EIF5A2: variants seen among roughly 807,000 people sequenced by gnomAD.
EIF5A2 encodes eukaryotic translation initiation factor 5A-2.
EIF5A2 carries 15 observed loss-of-function variants against 16.4 expected under a neutral mutation model. The observed-to-expected ratio is 0.92, with a 90% confidence interval of 0.61 to 1.41. The LOEUF is 1.41. Ranked by LOEUF, EIF5A2 falls within the 40% of genes most tolerant of loss-of-function variation. EIF5A2 has a pLI of 0.00. For synonymous variants in EIF5A2, 48 were observed against 61.1 expected, an observed-to-expected ratio of 0.79 and a Z score of 1.00; for missense variants, 144 against 189.5, an observed-to-expected ratio of 0.76 and a Z score of 1.41.
At chr3:170,895,559 T>C (rs1712648482) in intron 3 of EIF5A2, among the ~76,000 whole-genome samples, 1 of 152,146 alleles carries the variant, frequency 6.6e-6, no homozygotes, top group African/African-American at 2.4e-5. Context: ...TCAAAGACAA[T>C]GGTCCTTGAA....
chr3:170,903,755 ATC>A (rs1039235358), intron 3 of EIF5A2, among the ~76,000 whole-genome samples: 59 of 152,226 alleles, frequency 3.9e-4, no homozygotes, highest in African/African-American at 1.3e-3. Flanking sequence ...CAATTAACAT[ATC>A]TCAGCATTCA....
chr3:170,890,512 A>G lies in EIF5A2; in HGVS notation c.*2848T>C, dbSNP rs1712505132. 1 of 152,170 alleles carries G rather than the reference A, an allele frequency of 6.6e-6. No individual in the cohort carries two copies. Among genetic ancestry groups the G allele is most frequent in the Non-Finnish European group, 1.5e-5 (1 of 67,976 alleles). 9.4% of individuals were successfully genotyped at this position (152,170 alleles called of 1,614,324 possible). On this transcript the variant is annotated 3_prime_UTR_variant, in exon 5 of 5. Transcript: ENST00000295822. Reference sequence around the variant, plus strand: ...CCCTGGAAGGGAGCATGAAAAAAACATCATAATTATGTTTATGATGCAAAT... The same window carrying G: ...CCCTGGAAGGGAGCATGAAAAAAACGTCATAATTATGTTTATGATGCAAAT...
chr3:170,899,105 ATAGCAACT>A (rs1197925116), intron 3 of EIF5A2, among the ~76,000 whole-genome samples: 1 of 152,228 alleles, frequency 6.6e-6, no homozygotes, highest in African/African-American at 2.4e-5. Flanking sequence ...ATTGTCCTGG[ATAGCAACT>A]TATTTCCCTA....
chr3:170,894,505 A>T, intron 3 of EIF5A2, 82 bp from the exon 4 acceptor site: 3 of 1,175,268 alleles, frequency 2.6e-6, no homozygotes, highest in Non-Finnish European at 3.7e-6. Context: ...ATTGCAATTG[A>T]TATTAATTCA....
Position 170,894,429 on chromosome 3 carries a change from A to T in EIF5A2, c.271-6T>A, listed in dbSNP as rs1712617222. 3 of 1,613,598 alleles carry T rather than the reference A, an allele frequency of 1.9e-6. No homozygotes were observed. The highest frequency in any genetic ancestry group is 2.5e-6 in the Non-Finnish European group (3 of 1,179,706). Reference sequence around the variant, plus strand: ...CCATCTTGAATGCATATCAGCTATTAGAAGAAATTATATCATTTGTGCTGA... The same window carrying T: ...CCATCTTGAATGCATATCAGCTATTTGAAGAAATTATATCATTTGTGCTGA... On this transcript the variant is annotated splice_polypyrimidine_tract_variant and splice_region_variant and intron_variant, in intron 3 of 4. Transcript: ENST00000295822.
chr3:170,899,076 A>G (rs1207046432), intron 3 of EIF5A2, among the ~76,000 whole-genome samples: 1 of 152,206 alleles, frequency 6.6e-6, no homozygotes, highest in Non-Finnish European at 1.5e-5. Flanking sequence ...ACATATTTAA[A>G]TTTGCCAATT....
intron 3 of EIF5A2, among the ~76,000 whole-genome samples, chr3:170,898,953 A>C (rs1036428811): frequency 2.0e-5 from 3 of 152,088 alleles, no homozygotes; most frequent in African/African-American, 7.2e-5. Context: ...CTTTTCAGCA[A>C]TTAAAACTTC....
Position 170,890,871 on chromosome 3 carries a change from A to G in EIF5A2, c.*2489T>C, listed in dbSNP as rs1030666324. On this transcript the variant is annotated 3_prime_UTR_variant, in exon 5 of 5. Transcript: ENST00000295822. ...CATGTTCCCCGCTTCCTTTTAATATAATTTATAAAGCTTTACTAAATATTT... is the reference window on the plus strand; with the variant it reads ...CATGTTCCCCGCTTCCTTTTAATATGATTTATAAAGCTTTACTAAATATTT... 2.6e-5 allele frequency: 4 copies of G among 152,614 alleles called. No homozygotes were observed. The highest frequency in any genetic ancestry group is 9.6e-5 in the African/African-American group (4 of 41,468). The allele number at this position is 152,614 out of a possible 1,614,324, so 9.5% of individuals were successfully genotyped here.
rs2108291339 is a variant in EIF5A2, at chr3:170,892,325, AG to A, written c.*1034del. ...GCACCTGTAGTCCCAGCTACTTGGG[AG>A]GCTGAGGCAGGAGAATTGCTTGAAC... On this transcript the variant is annotated 3_prime_UTR_variant, in exon 5 of 5. Coordinates refer to ENST00000295822, the MANE Select transcript of EIF5A2 (RefSeq NM_020390.6). 2 of 149,220 alleles carry A rather than the reference AG, an allele frequency of 1.3e-5. No individual in the cohort carries two copies. The highest frequency in any genetic ancestry group is 5.0e-5 in the African/African-American group (2 of 40,316). 9.2% of individuals were successfully genotyped at this position (149,220 alleles called of 1,614,324 possible).
At chr3:170,902,398 C>CTTTTTTT (rs36044967) in intron 3 of EIF5A2, among the ~76,000 whole-genome samples, 6 of 91,380 alleles carry the variant, frequency 6.6e-5, no homozygotes, top group Non-Finnish European at 1.0e-4. Flanking sequence ...GCCATTCAGC[C>CTTTTTTT]TTTTTTTTTT....
At chr3:170,895,577 A>AATTT (rs1339870854) in intron 3 of EIF5A2, among the ~76,000 whole-genome samples, 1 of 152,218 alleles carries the variant, frequency 6.6e-6, no homozygotes, top group Non-Finnish European at 1.5e-5. Context: ...GAACCCCTGT[A>AATTT]ACCACTATGA....
At chr3:170,899,093 G>C (rs1266531686) in intron 3 of EIF5A2, among the ~76,000 whole-genome samples, 1 of 152,136 alleles carries the variant, frequency 6.6e-6, no homozygotes, top group Admixed American at 6.5e-5. Context: ...AATTGTCCTA[G>C]TATTGTCCTG....
intron 1 of EIF5A2, 71 bp from the exon 2 acceptor site, chr3:170,907,912 G>A: frequency 8.1e-7 from 1 of 1,227,402 alleles, no homozygotes; most frequent in Non-Finnish European, 1.1e-6. Context: ...TTTCGGACAA[G>A]TTATGTGCCA....
Position 170,895,816 on chromosome 3 carries a change from T to C in EIF5A2, c.271-1393A>G, listed in dbSNP as rs534524794. On this transcript the variant is annotated intron_variant, in intron 3 of 4. Coordinates refer to ENST00000295822, the MANE Select transcript of EIF5A2 (RefSeq NM_020390.6). Reference sequence around the variant, plus strand: ...TGGTAGAGAAGTGGGAGCAAGGAGGTTGAGGTAGAAGTGTAACTTTTTAAA... The same window carrying C: ...TGGTAGAGAAGTGGGAGCAAGGAGGCTGAGGTAGAAGTGTAACTTTTTAAA... Among the ~76,000 whole-genome samples the C allele has an allele frequency of 3.3e-5, 5 of 151,884 alleles. No individual in the cohort carries two copies. In the South Asian group the frequency reaches 1.0e-3, roughly 32 times the overall value.
At chr3:170,899,772 A>G (rs1174904455) in intron 3 of EIF5A2, among the ~76,000 whole-genome samples, 2 of 151,692 alleles carry the variant, frequency 1.3e-5, no homozygotes, top group Admixed American at 6.6e-5. Context: ...CAAGTCCCCA[A>G]GCATATTTTT....
At chr3:170,896,092 G>A (rs920541868) in intron 3 of EIF5A2, among the ~76,000 whole-genome samples, 1 of 152,126 alleles carries the variant, frequency 6.6e-6, no homozygotes, top group African/African-American at 2.4e-5. Context: ...TTCGTACTGT[G>A]CCACTAGTGA....
At position 170,894,339 on chromosome 3, in the gene EIF5A2, G is replaced by A. The variant is rs138606381; in HGVS notation, c.355C>T (p.Leu119=). 6,500 of 1,613,832 alleles carry A rather than the reference G, an allele frequency of 4.0e-3. 24 individuals carry two copies. Among genetic ancestry groups the A allele is most frequent in the Non-Finnish European group, 5.0e-3 (5,953 of 1,179,910 alleles). Residue 119 remains leucine, a synonymous_variant, in exon 4 of 5, where the codon CTA becomes TTA. Transcript: ENST00000295822. ...TATTTTCCCTCTATTTCTTTGCCTA[G>A]TTCACCTTCTGGCAGTTTAAGATCC... ...REDLKLPEGE[L]GKEIEGKYNA...
At chr3:170,894,842 C>T (rs1311153109) in intron 3 of EIF5A2, among the ~76,000 whole-genome samples, 80 of 150,930 alleles carry the variant, frequency 5.3e-4, no homozygotes, top group African/African-American at 1.9e-3. Context: ...CTGGCTAACA[C>T]GGTGAAACCC....
At chr3:170,907,415 G>A (rs1242696640) in intron 2 of EIF5A2, among the ~76,000 whole-genome samples, 1 of 152,146 alleles carries the variant, frequency 6.6e-6, no homozygotes, top group Non-Finnish European at 1.5e-5. Flanking sequence ...TAGGTCACTA[G>A]GATTCAGGAA....
Sources: gnomAD v4.1 joint callset for allele counts (sites outside exome capture counted in the v4.1 genomes callset) on GRCh38, gnomAD v4.1.1 for gene constraint, MANE v1.5 for transcripts, NCBI Gene and HGNC (gene_info 2026-07-23, HGNC 2026-07-21) for gene names.